GRID2: variants seen among roughly 807,000 people sequenced by gnomAD.
GRID2 encodes the protein glutamate receptor ionotropic, delta-2.
In GRID2, 33 loss-of-function variants were observed where a neutral mutation model predicts 114.8. The ratio of observed to expected loss-of-function variants is 0.29; its 90% CI spans 0.22 to 0.38. The LOEUF (loss-of-function observed/expected upper bound fraction) is 0.38. Among genes scored for constraint, GRID2 ranks in the 10% least tolerant of loss-of-function variants. GRID2 has a pLI of 1.00. For synonymous variants in GRID2, 505 were observed against 449.9 expected, an observed-to-expected ratio of 1.12 and a Z score of -1.55; for missense variants, 1,184 against 1,257.7, an observed-to-expected ratio of 0.94 and a Z score of 0.89.
Position 93,027,162 on chromosome 4 carries a change from G to A in GRID2, c.245-57833G>A, listed in dbSNP as rs187620527. On this transcript the variant is annotated intron_variant, in intron 2 of 15. Transcript: ENST00000282020. ...TGGAAGCAGTGTTTTTTTGGTAGTG[G>A]TGATTTATTTGCTTCTCTTTGGCTG... 1.5e-3 allele frequency among the ~76,000 whole-genome samples: 230 copies of A among 151,988 alleles called. 1 individual carries two copies. The highest frequency in any genetic ancestry group is 2.5e-3 in the Non-Finnish European group (169 of 67,894).
At chr4:93,647,554 T>C (rs950750309) in intron 14 of GRID2, among the ~76,000 whole-genome samples, 2 of 152,196 alleles carry the variant, frequency 1.3e-5, no homozygotes, top group African/African-American at 4.8e-5. Flanking sequence ...ATCTCCCCTC[T>C]CAACCAGAAA....
At chr4:92,813,389 T>C (rs1364209058) in intron 2 of GRID2, among the ~76,000 whole-genome samples, 1 of 152,132 alleles carries the variant, frequency 6.6e-6, no homozygotes, top group East Asian at 1.9e-4. Flanking sequence ...TACAGGCGCT[T>C]AATTTCATTA....
intron 1 of GRID2, among the ~76,000 whole-genome samples, chr4:92,581,797 A>T (rs1728197271): frequency 6.6e-6 from 1 of 152,112 alleles, no homozygotes; most frequent in South Asian, 2.1e-4. Flanking sequence ...AATTATTAAA[A>T]ATATTTCGGA....
intron 1 of GRID2, among the ~76,000 whole-genome samples, chr4:92,474,670 C>T (rs981205156): frequency 2.6e-5 from 4 of 151,962 alleles, no homozygotes; most frequent in Non-Finnish European, 5.9e-5. Context: ...CATTTCCTCA[C>T]CAACAGTTAT....
At chr4:92,410,368 A>G (rs1293181592) in intron 1 of GRID2, among the ~76,000 whole-genome samples, 3 of 152,176 alleles carry the variant, frequency 2.0e-5, no homozygotes, top group African/African-American at 7.2e-5. Context: ...TATATTTTGA[A>G]CTCAGTGTCT....
chr4:93,047,413 C>G (rs948889979), intron 2 of GRID2, among the ~76,000 whole-genome samples: 2 of 152,102 alleles, frequency 1.3e-5, no homozygotes, highest in African/African-American at 4.8e-5. Context: ...CAGAAACTGA[C>G]TATAGGATAT....
intron 13 of GRID2, among the ~76,000 whole-genome samples, chr4:93,596,909 A>G (rs1378128512): frequency 1.3e-5 from 2 of 152,220 alleles, no homozygotes; most frequent in Non-Finnish European, 2.9e-5. Flanking sequence ...ATTTCAAAAT[A>G]TATCTGGCTT....
chr4:92,770,000 T>C (rs1225953880), intron 2 of GRID2, among the ~76,000 whole-genome samples: 1 of 152,200 alleles, frequency 6.6e-6, no homozygotes, highest in African/African-American at 2.4e-5. Context: ...TGAGATTTAA[T>C]TTCTATTGCA....
intron 2 of GRID2, among the ~76,000 whole-genome samples, chr4:92,671,999 A>T (rs1036925406): frequency 6.6e-6 from 1 of 152,162 alleles, no homozygotes; most frequent in Non-Finnish European, 1.5e-5. Flanking sequence ...ATTAACTATT[A>T]AAAAATAGCT....
At chr4:92,633,756 T>C (rs536089895) in intron 2 of GRID2, among the ~76,000 whole-genome samples, 1 of 152,286 alleles carries the variant, frequency 6.6e-6, no homozygotes, top group East Asian at 1.9e-4. Flanking sequence ...ATGGCCATAT[T>C]TGTTAAAAAG....
At chr4:92,806,665 T>C (rs1351369454) in intron 2 of GRID2, among the ~76,000 whole-genome samples, 5 of 151,940 alleles carry the variant, frequency 3.3e-5, no homozygotes, top group Non-Finnish European at 7.4e-5. Context: ...TAATAATTAT[T>C]ATTTGGACAA....
At chr4:93,427,281 C>T (rs1560608659) in intron 10 of GRID2, among the ~76,000 whole-genome samples, 2 of 151,850 alleles carry the variant, frequency 1.3e-5, no homozygotes, top group African/African-American at 2.4e-5. Flanking sequence ...ACCAAAATTA[C>T]ACCGTTGAAA....
intron 8 of GRID2, among the ~76,000 whole-genome samples, chr4:93,374,435 A>T (rs1366099072): frequency 6.6e-6 from 1 of 152,202 alleles, no homozygotes; most frequent in African/African-American, 2.4e-5. Flanking sequence ...GAAATGGTAC[A>T]GTAAGAAATT....
chr4:93,547,767 A>T (rs1226552283), intron 13 of GRID2, among the ~76,000 whole-genome samples: 1 of 152,196 alleles, frequency 6.6e-6, no homozygotes, highest in Admixed American at 6.5e-5. Context: ...CACGTACCTG[A>T]CCTAAGTAGG....
chr4:93,390,523 A>G (rs2149322385), intron 8 of GRID2, among the ~76,000 whole-genome samples: 1 of 152,316 alleles, frequency 6.6e-6, no homozygotes, highest in Admixed American at 6.5e-5. Flanking sequence ...GAGATGAGAA[A>G]ACTGAAACCC....
intron 1 of GRID2, among the ~76,000 whole-genome samples, chr4:92,395,172 C>T (rs1387192690): frequency 1.3e-5 from 2 of 151,506 alleles, no homozygotes; most frequent in Non-Finnish European, 3.0e-5. Context: ...TAAATACCCA[C>T]ATATTTTGTT....
intron 14 of GRID2, among the ~76,000 whole-genome samples, chr4:93,727,150 G>A (rs1328409947): frequency 6.6e-6 from 1 of 152,174 alleles, no homozygotes; most frequent in East Asian, 1.9e-4. Context: ...ATTATTTTGA[G>A]ATACGTCCCA....
At chr4:92,963,196 G>C (rs1752932865) in intron 2 of GRID2, among the ~76,000 whole-genome samples, 2 of 152,076 alleles carry the variant, frequency 1.3e-5, no homozygotes, top group Admixed American at 6.6e-5. Context: ...TTAGGGTGGT[G>C]GTTGCTAACT....
At chr4:93,510,151 C>T (rs1253920217) in intron 12 of GRID2, among the ~76,000 whole-genome samples, 1 of 152,124 alleles carries the variant, frequency 6.6e-6, no homozygotes, top group Non-Finnish European at 1.5e-5. Context: ...CATTTTTCTC[C>T]CCCTGAAGAA....
Sources: gnomAD v4.1 joint callset for allele counts (sites outside exome capture counted in the v4.1 genomes callset) on GRCh38, gnomAD v4.1.1 for gene constraint, MANE v1.5 for transcripts, NCBI Gene and HGNC (gene_info 2026-07-23, HGNC 2026-07-21) for gene names.